Variants in KHDRBS2 observed in about 807,000 individuals in gnomAD.
KHDRBS2 encodes KH RNA binding domain containing, signal transduction associated 2, also known as KH domain-containing, RNA-binding, signal transduction-associated protein 2.
KHDRBS2 carries 26 observed loss-of-function variants against 44.3 expected under a neutral mutation model. The observed-to-expected ratio is 0.59, with a 90% CI of 0.43 to 0.81. The LOEUF (loss-of-function observed/expected upper bound fraction) is 0.81, where lower values mean the gene tolerates loss of function less well. KHDRBS2 is among the 40% of genes least tolerant of loss of function. The pLI is 0.00. For synonymous variants in KHDRBS2, 194 were observed against 151.1 expected (o/e 1.28, Z -2.08); for missense variants, 476 against 433.1 (o/e 1.10, Z -0.88).
intron 8 of KHDRBS2, among the ~76,000 whole-genome samples, chr6:61,691,323 A>C (rs2127541866): frequency 6.6e-6 from 1 of 152,206 alleles, no homozygotes; most frequent in Admixed American, 6.6e-5. Context: ...TGCACTTATT[A>C]CCAAGGCTAA....
intron 4 of KHDRBS2, among the ~76,000 whole-genome samples, chr6:61,955,718 G>T (rs1767041080): frequency 7.8e-6 from 1 of 127,396 alleles, no homozygotes. Flanking sequence ...ACATATGTAT[G>T]TATACATATA....
At position 61,719,334 on chromosome 6, in the gene KHDRBS2, A is replaced by T. The variant is rs1022697273; in HGVS notation, c.893+13348T>A. Among the ~76,000 whole-genome samples, 4 of 152,128 alleles carry T rather than the reference A, an allele frequency of 2.6e-5. No homozygotes were observed. The South Asian group carries it at 8.3e-4, about 32-fold the overall frequency. Reference sequence around the variant, plus strand: ...AAAACCACTTTTTTTCTACTTGTATAATTTGGTTTGGTAGAGCTGTTTTTC... The same window carrying T: ...AAAACCACTTTTTTTCTACTTGTATTATTTGGTTTGGTAGAGCTGTTTTTC... On this transcript the variant is annotated intron_variant, in intron 7 of 8. Transcript: ENST00000281156.
At chr6:62,170,952 CAA>C (rs34963723) in intron 2 of KHDRBS2, among the ~76,000 whole-genome samples, 4 of 129,812 alleles carry the variant, frequency 3.1e-5, no homozygotes, top group Admixed American at 7.9e-5. Flanking sequence ...AAGATAAACG[CAA>C]AAAAAAAAAA....
At chr6:61,890,656 A>G (rs1467914457) in intron 6 of KHDRBS2, among the ~76,000 whole-genome samples, 1 of 152,222 alleles carries the variant, frequency 6.6e-6, no homozygotes, top group African/African-American at 2.4e-5. Flanking sequence ...GTTGAGCTAC[A>G]CAGTTCCCCA....
the KHDRBS2 span, among the ~76,000 whole-genome samples, chr6:61,605,389 C>G: frequency 6.6e-6 from 1 of 152,196 alleles, no homozygotes; most frequent in Non-Finnish European, 1.5e-5. Context: ...TCTCCTGGTG[C>G]TATCCCCAAA....
intron 2 of KHDRBS2, among the ~76,000 whole-genome samples, chr6:62,105,030 A>G (rs1366974890): frequency 6.6e-6 from 1 of 152,162 alleles, no homozygotes; most frequent in South Asian, 2.1e-4. Flanking sequence ...CTGTAAATTG[A>G]AAACAGAAAA....
At chr6:62,032,924 A>C (rs973420088) in intron 3 of KHDRBS2, among the ~76,000 whole-genome samples, 12 of 151,976 alleles carry the variant, frequency 7.9e-5, no homozygotes, top group African/African-American at 2.9e-4. Flanking sequence ...TCAGACAGAG[A>C]ATTCAAAATA....
chr6:61,719,138 A>G (rs766364627), intron 7 of KHDRBS2, among the ~76,000 whole-genome samples: 18 of 152,122 alleles, frequency 1.2e-4, no homozygotes, highest in African/African-American at 3.6e-4. Context: ...AAAAGCAAAG[A>G]CTTCCATTTA....
chr6:62,008,851 C>T (rs541162762), intron 3 of KHDRBS2, among the ~76,000 whole-genome samples: 1 of 152,268 alleles, frequency 6.6e-6, no homozygotes, highest in South Asian at 2.1e-4. Flanking sequence ...ATTGTGAGGC[C>T]TCCCCAGCCA....
chr6:61,587,011 G>A, the KHDRBS2 span, among the ~76,000 whole-genome samples: 53 of 152,186 alleles, frequency 3.5e-4, 1 homozygote, highest in East Asian at 2.5e-3. Context: ...CTGCACACCC[G>A]TTCATTTCAC....
At chr6:61,707,101 T>A (rs1011429029) in intron 7 of KHDRBS2, among the ~76,000 whole-genome samples, 3 of 151,686 alleles carry the variant, frequency 2.0e-5, no homozygotes, top group African/African-American at 7.3e-5. Flanking sequence ...CTGAAGGAGT[T>A]AAAGGAGTAA....
At position 61,801,574 on chromosome 6, in the gene KHDRBS2, T is replaced by G. The variant is rs145233888; in HGVS notation, c.811-68810A>C. ...AGCTCATTTGTCTTATTCAATTTTGTTGCATTTCAGCCAAAGCAGACTGAA... is the reference window on the plus strand; with the variant it reads ...AGCTCATTTGTCTTATTCAATTTTGGTGCATTTCAGCCAAAGCAGACTGAA... On this transcript the variant is annotated intron_variant, in intron 6 of 8. Transcript: ENST00000281156. Among the ~76,000 whole-genome samples the G allele has an allele frequency of 4.4e-3, 675 of 152,316 alleles. 9 individuals carry two copies. Among genetic ancestry groups the G allele is most frequent in the African/African-American group, 0.016 (648 of 41,576 alleles).
chr6:61,552,224 T>G, the KHDRBS2 span, among the ~76,000 whole-genome samples: 1 of 151,978 alleles, frequency 6.6e-6, no homozygotes, highest in Non-Finnish European at 1.5e-5. Flanking sequence ...TGTAGAGATC[T>G]TTCAATTCCC....
At chr6:62,021,290 A>G (rs1435060250) in intron 3 of KHDRBS2, among the ~76,000 whole-genome samples, 1 of 151,926 alleles carries the variant, frequency 6.6e-6, no homozygotes, top group East Asian at 1.9e-4. Flanking sequence ...AGAGATTCAG[A>G]AAAAATAATG....
chr6:61,804,063 T>A (rs796647429), intron 6 of KHDRBS2, among the ~76,000 whole-genome samples: 14 of 152,172 alleles, frequency 9.2e-5, no homozygotes, highest in African/African-American at 3.1e-4. Context: ...ATAATTCATT[T>A]CAAGATTAAC....
chr6:61,797,069 A>T (rs1785468857), intron 6 of KHDRBS2, among the ~76,000 whole-genome samples: 1 of 152,184 alleles, frequency 6.6e-6, no homozygotes, highest in African/African-American at 2.4e-5. Flanking sequence ...TTCTGGTTTA[A>T]TACAGCATTT....
the KHDRBS2 span, among the ~76,000 whole-genome samples, chr6:61,561,617 A>G: frequency 1.3e-5 from 2 of 152,074 alleles, no homozygotes; most frequent in Admixed American, 1.3e-4. Flanking sequence ...GCTTCTCCCC[A>G]TGGTCACCCC....
At chr6:61,583,041 G>T in the KHDRBS2 span, among the ~76,000 whole-genome samples, 1 of 151,752 alleles carries the variant, frequency 6.6e-6, no homozygotes. Flanking sequence ...TTGTTAACAT[G>T]TAGCCACATT....
At chr6:61,936,126 T>C (rs1241841338) in intron 4 of KHDRBS2, among the ~76,000 whole-genome samples, 2 of 152,128 alleles carry the variant, frequency 1.3e-5, no homozygotes, top group Non-Finnish European at 2.9e-5. Context: ...AAACTGTTCT[T>C]AAAGCTCTAT....
Sources: gnomAD v4.1 joint callset for allele counts (sites outside exome capture counted in the v4.1 genomes callset) on GRCh38, gnomAD v4.1.1 for gene constraint, MANE v1.5 for transcripts, NCBI Gene and HGNC (gene_info 2026-07-23, HGNC 2026-07-21) for gene names.